Variants in PLEKHA2 observed in about 807,000 individuals in gnomAD.
The protein encoded by PLEKHA2 is pleckstrin homology domain-containing family A member 2.
In PLEKHA2, 28 loss-of-function variants were observed where a neutral mutation model predicts 53.2. That is an observed-to-expected ratio of 0.53 (90% CI 0.39 to 0.72). The LOEUF (loss-of-function observed/expected upper bound fraction) is 0.72. Among genes scored for constraint, PLEKHA2 ranks in the 30% least tolerant of loss-of-function variants. PLEKHA2 has a pLI of 0.00. For synonymous variants in PLEKHA2, 193 were observed against 196.4 expected (o/e 0.98, Z 0.14); for missense variants, 426 against 537.9 (o/e 0.79, Z 2.06).
At chr8:38,936,589 G>A (rs962502656) in intron 3 of PLEKHA2, among the ~76,000 whole-genome samples, 4 of 152,262 alleles carry the variant, frequency 2.6e-5, no homozygotes, top group Non-Finnish European at 5.9e-5. Flanking sequence ...GATAACTGCT[G>A]GGGGTTGGGG....
chr8:38,969,303 C>T (rs971039136), intron 11 of PLEKHA2, 118 bp from the exon 12 acceptor site: 7 of 1,213,912 alleles, frequency 5.8e-6, no homozygotes, highest in Non-Finnish European at 7.9e-6. Flanking sequence ...TGTAGGCAAG[C>T]ATCCTTGGAC....
At chr8:38,926,907 C>T (rs1311335320) in intron 2 of PLEKHA2, among the ~76,000 whole-genome samples, 1 of 152,130 alleles carries the variant, frequency 6.6e-6, no homozygotes, top group Non-Finnish European at 1.5e-5. Flanking sequence ...AAGAGCGAGA[C>T]TCCATCTCAA....
intron 10 of PLEKHA2, 26 bp from the exon 11 acceptor site, chr8:38,968,566 T>A: frequency 6.2e-7 from 1 of 1,612,280 alleles, no homozygotes; most frequent in Non-Finnish European, 8.5e-7. Context: ...TAAAATTTCT[T>A]GGTAAGAGCC....
At chr8:38,962,824 G>T (rs892796049) in intron 10 of PLEKHA2, among the ~76,000 whole-genome samples, 4 of 152,226 alleles carry the variant, frequency 2.6e-5, no homozygotes, top group African/African-American at 9.6e-5. Context: ...GTGAGTTGCA[G>T]AGTGTTGCAT....
Position 38,931,331 on chromosome 8 carries a change from C to G in PLEKHA2, c.142-4663C>G, listed in dbSNP as rs951407685. Among the ~76,000 whole-genome samples, 3 of 152,132 alleles carry G rather than the reference C, an allele frequency of 2.0e-5. No individual in the cohort carries two copies. The South Asian group carries it at 6.2e-4, about 32-fold the overall frequency. ...CGAGGTGATTCACATAAGCAGCCTT[C>G]CAGAACTTCATTCCCACCACCCACC... is the stretch of plus-strand genomic sequence containing the variant. On this transcript the variant is annotated intron_variant, in intron 2 of 11. Coordinates refer to ENST00000617275, the MANE Select transcript of PLEKHA2 (RefSeq NM_021623.2).
chr8:38,950,253 T>C (rs1834802925), intron 5 of PLEKHA2, among the ~76,000 whole-genome samples: 2 of 152,136 alleles, frequency 1.3e-5, no homozygotes, highest in East Asian at 1.9e-4. Flanking sequence ...AGGCTGGTCT[T>C]GAACTCCTGG....
chr8:38,968,644 T>C lies in PLEKHA2; in HGVS notation c.890T>C (p.Val297Ala). Residue 297 changes from valine (V) to alanine (A), a missense_variant, in exon 11 of 12, where the codon GTC becomes GCC. By Grantham distance (64) the Val-to-Ala change is moderately conservative (BLOSUM62 0). Transcript: ENST00000617275. ...TGGATTAAGGAGATTGGCGCAGCTG[T>C]CCAGGCCCTCAAGTGCCACCCCAGA... ...HSWIKEIGAA[V>A]QALKCHPRET... 6.2e-7 allele frequency: 1 copy of C among 1,614,030 alleles called. No homozygotes were observed. Among genetic ancestry groups the C allele is most frequent in the Non-Finnish European group, 8.5e-7 (1 of 1,179,886 alleles).
Position 38,902,220 on chromosome 8 carries a change from TG to T in PLEKHA2, c.-24+784del, listed in dbSNP as rs58621785. ...TAAAAAGAAAGAGAAAAGAAGGGTGTGGGGGGGGGTGGTGGGAAGCTAGGCC... is the reference window on the plus strand; with the variant it reads ...TAAAAAGAAAGAGAAAAGAAGGGTGTGGGGGGGGTGGTGGGAAGCTAGGCC... On this transcript the variant is annotated intron_variant, in intron 1 of 11. Coordinates refer to ENST00000617275, the MANE Select transcript of PLEKHA2 (RefSeq NM_021623.2). Among the ~76,000 whole-genome samples the T allele has an allele frequency of 6.7e-4, 66 of 98,296 alleles. 6 individuals carry two copies. In the South Asian group the frequency reaches 0.021, roughly 32 times the overall value. The allele number at this position is 98,296 out of a possible 152,430, so 64.5% of individuals were successfully genotyped here. A position where few individuals can be genotyped will look rare whatever the true frequency, so the allele number is the denominator to read the frequency against.
chr8:38,937,974 G>A (rs557754672), intron 3 of PLEKHA2, among the ~76,000 whole-genome samples: 5 of 152,350 alleles, frequency 3.3e-5, no homozygotes, highest in South Asian at 2.1e-4. Flanking sequence ...GAGGACGGGC[G>A]TGTGGCCCTG....
At chr8:38,920,326 A>T (rs1007106542) in intron 2 of PLEKHA2, among the ~76,000 whole-genome samples, 2 of 150,004 alleles carry the variant, frequency 1.3e-5, no homozygotes, top group Admixed American at 6.6e-5. Context: ...AATTTTTTGT[A>T]TTTTTTTTTA....
At chr8:38,953,425 C>G (rs1002891449) in intron 9 of PLEKHA2, 58 bp downstream of exon 9, 1 of 1,427,678 alleles carries the variant, frequency 7.0e-7, no homozygotes, top group Non-Finnish European at 9.9e-7. Context: ...TCTTAAATCT[C>G]CCTTTACTAC....
chr8:38,952,064 G>T, intron 6 of PLEKHA2, 102 bp from the exon 7 acceptor site: 1 of 1,403,960 alleles, frequency 7.1e-7, no homozygotes, highest in South Asian at 1.4e-5. Flanking sequence ...TTTCTTCTTT[G>T]ACTTAGGGCA....
rs535616672 is a variant in PLEKHA2 at position 38,963,451 on chromosome 8, C to T, written c.838-5141C>T. The stretch of plus-strand genomic sequence containing the variant: ...GAAGCTACTTTGTGATGTGGTTTTA[C>T]GATTTTGATGAAAGCTAAGCACAGG... On this transcript the variant is annotated intron_variant, in intron 10 of 11. Coordinates refer to ENST00000617275, the MANE Select transcript of PLEKHA2 (RefSeq NM_021623.2). Among the ~76,000 whole-genome samples the T allele has an allele frequency of 9.9e-5, 15 of 152,220 alleles. No homozygotes were observed. The South Asian group carries it at 2.5e-3, about 25-fold the overall frequency.
chr8:38,934,572 AGG>A (rs1045595528), intron 2 of PLEKHA2, among the ~76,000 whole-genome samples: 3 of 152,110 alleles, frequency 2.0e-5, no homozygotes, highest in African/African-American at 7.2e-5. Flanking sequence ...TCGAAGCCCC[AGG>A]GCTGTGATTT....
At chr8:38,937,350 T>A (rs979673127) in intron 3 of PLEKHA2, among the ~76,000 whole-genome samples, 1 of 152,152 alleles carries the variant, frequency 6.6e-6, no homozygotes, top group Non-Finnish European at 1.5e-5. Context: ...CTGCCCGCCC[T>A]CCCTGGCTTG....
intron 1 of PLEKHA2, among the ~76,000 whole-genome samples, chr8:38,915,321 A>C (rs553309249): frequency 9.8e-5 from 15 of 152,342 alleles, no homozygotes; most frequent in African/African-American, 3.6e-4. Flanking sequence ...CATCATAAAC[A>C]AGGACCACAG....
At chr8:38,951,472 T>C in intron 6 of PLEKHA2, among the ~76,000 whole-genome samples, 1 of 57,224 alleles carries the variant, frequency 1.7e-5, no homozygotes, top group Admixed American at 2.0e-4. Context: ...TATTTAAGTT[T>C]TTTTTTTTTT....
At chr8:38,939,524 C>G (rs1834560392) in intron 3 of PLEKHA2, among the ~76,000 whole-genome samples, 1 of 152,214 alleles carries the variant, frequency 6.6e-6, no homozygotes, top group South Asian at 2.1e-4. Context: ...ACTGGATAAA[C>G]AGAGGAAAGC....
chr8:38,916,892 C>T (rs1339531335), intron 1 of PLEKHA2, among the ~76,000 whole-genome samples: 1 of 152,180 alleles, frequency 6.6e-6, no homozygotes, highest in African/African-American at 2.4e-5. Flanking sequence ...CCCACCAATA[C>T]CGTACAAGGG....
Sources: allele counts gnomAD v4.1 joint callset (sites outside exome capture counted in the v4.1 genomes callset), GRCh38; gene constraint gnomAD v4.1.1; transcripts MANE v1.5; gene names NCBI Gene and HGNC (gene_info 2026-07-23, HGNC 2026-07-21).